Variants in NRXN3 observed in about 807,000 individuals in gnomAD.
NRXN3 encodes neurexin III.
Under a neutral mutation model 137.6 loss-of-function variants are expected in NRXN3, and 32 were observed. That is an observed-to-expected ratio of 0.23 (90% CI 0.18 to 0.31). NRXN3 has a LOEUF of 0.31. Ranked by LOEUF, NRXN3 falls within the 10% of genes least tolerant of loss-of-function variation. The pLI is 1.00. For missense variants in NRXN3, 1,574 were observed against 2,062.5 expected (o/e 0.76, Z 4.59); for synonymous variants, 798 against 784.5 (o/e 1.02, Z -0.29).
intron 8 of NRXN3, among the ~76,000 whole-genome samples, chr14:78,724,828 T>C (rs10146003): frequency 0.98 from 148,654 of 152,254 alleles, 72,637 homozygotes; most frequent in Non-Finnish European, 0.99. Context: ...TTTCATCACT[T>C]ATCCCATCTT....
chr14:79,007,365 G>T (rs2099555136), intron 15 of NRXN3, among the ~76,000 whole-genome samples: 1 of 151,598 alleles, frequency 6.6e-6, no homozygotes, highest in Non-Finnish European at 1.5e-5. Flanking sequence ...TCAACTTTTA[G>T]TATTGAAGAG....
chr14:78,695,845 C>T (rs939908877), intron 6 of NRXN3: 1 of 152,028 alleles, frequency 6.6e-6, no homozygotes, highest in Admixed American at 6.6e-5. Flanking sequence ...ACTATGAGCT[C>T]GAGTGGGCAA....
intron 6 of NRXN3, among the ~76,000 whole-genome samples, chr14:78,655,970 G>A (rs1382577218): frequency 1.3e-5 from 2 of 152,058 alleles, no homozygotes; most frequent in Non-Finnish European, 2.9e-5. Flanking sequence ...CCTTTTATAA[G>A]GGCACCAATC....
At chr14:78,191,190 AG>A (rs2060698082) in intron 1 of NRXN3, among the ~76,000 whole-genome samples, 1 of 152,160 alleles carries the variant, frequency 6.6e-6, no homozygotes, top group African/African-American at 2.4e-5. Context: ...GGGCTGGGCC[AG>A]GGGGATGACC....
chr14:79,710,700 ATATTTGAGT>A (rs1480747520), intron 19 of NRXN3, among the ~76,000 whole-genome samples: 4 of 152,042 alleles, frequency 2.6e-5, no homozygotes, highest in African/African-American at 4.8e-5. Context: ...TCATTAAAAA[ATATTTGAGT>A]TATTTGAGTG....
At chr14:78,255,637 C>T (rs2069445547) in intron 2 of NRXN3, among the ~76,000 whole-genome samples, 2 of 152,178 alleles carry the variant, frequency 1.3e-5, no homozygotes, top group South Asian at 4.1e-4. Context: ...GAGGTATTCT[C>T]TTTAGGAACT....
chr14:78,204,602 G>T (rs2062005907), intron 1 of NRXN3, among the ~76,000 whole-genome samples: 1 of 152,170 alleles, frequency 6.6e-6, no homozygotes, highest in African/African-American at 2.4e-5. Context: ...ACTTAATGGT[G>T]TAGGGAAAAA....
intron 15 of NRXN3, among the ~76,000 whole-genome samples, chr14:79,401,140 A>G (rs1174712638): frequency 6.6e-6 from 1 of 152,168 alleles, no homozygotes; most frequent in Non-Finnish European, 1.5e-5. Flanking sequence ...TACAGGCCAA[A>G]TTTTACCCAT....
At chr14:79,261,633 G>A (rs1177991268) in intron 15 of NRXN3, among the ~76,000 whole-genome samples, 2 of 138,382 alleles carry the variant, frequency 1.4e-5, no homozygotes, top group African/African-American at 5.5e-5. Flanking sequence ...GTGTGTGTGT[G>A]TGTGTGTGTG....
intron 16 of NRXN3, among the ~76,000 whole-genome samples, chr14:79,539,512 A>G (rs1018826785): frequency 1.3e-5 from 2 of 152,198 alleles, no homozygotes; most frequent in African/African-American, 4.8e-5. Flanking sequence ...AATAGATGTT[A>G]TAAAAAGTAT....
intron 15 of NRXN3, among the ~76,000 whole-genome samples, chr14:79,273,060 T>C (rs975845989): frequency 6.7e-6 from 1 of 149,618 alleles, no homozygotes; most frequent in Non-Finnish European, 1.5e-5. Flanking sequence ...TAATTCCCGC[T>C]ACTCGGGAGG....
intron 15 of NRXN3, among the ~76,000 whole-genome samples, chr14:79,198,891 G>A (rs113265456): frequency 0.047 from 7,231 of 152,316 alleles, 607 homozygotes; most frequent in African/African-American, 0.17. Flanking sequence ...AAACTGGCCA[G>A]GTGCGGTGGC....
intron 16 of NRXN3, among the ~76,000 whole-genome samples, chr14:79,585,068 A>G (rs1026421768): frequency 1.3e-5 from 2 of 152,182 alleles, no homozygotes; most frequent in Non-Finnish European, 2.9e-5. Flanking sequence ...ATAGCCCTCT[A>G]TGGAGATGGG....
intron 10 of NRXN3, among the ~76,000 whole-genome samples, chr14:78,878,408 A>T (rs1163271172): frequency 2.0e-5 from 3 of 152,178 alleles, no homozygotes. Context: ...AGTCATAAGC[A>T]ATTCTACACT....
chr14:79,296,873 A>T (rs948181412), intron 15 of NRXN3, among the ~76,000 whole-genome samples: 12 of 152,238 alleles, frequency 7.9e-5, no homozygotes, highest in Non-Finnish European at 1.5e-5. Flanking sequence ...AAATCAAGAT[A>T]AAAATGTTTA....
At chr14:79,680,514 T>C (rs1339755525) in intron 17 of NRXN3, among the ~76,000 whole-genome samples, 3 of 152,084 alleles carry the variant, frequency 2.0e-5, no homozygotes, top group Admixed American at 6.6e-5. Context: ...GGTTTGTTTC[T>C]ATTGTTGTGT....
intron 6 of NRXN3, among the ~76,000 whole-genome samples, chr14:78,698,765 G>A (rs1409174811): frequency 6.6e-6 from 1 of 151,990 alleles, no homozygotes; most frequent in Admixed American, 6.6e-5. Context: ...CATATAGATT[G>A]CCTTAAAAAT....
intron 8 of NRXN3, among the ~76,000 whole-genome samples, chr14:78,730,407 T>C (rs2098509451): frequency 6.6e-6 from 1 of 152,172 alleles, no homozygotes; most frequent in African/African-American, 2.4e-5. Context: ...CTATTCTTCA[T>C]TATTTTTTTC....
intron 17 of NRXN3, among the ~76,000 whole-genome samples, chr14:79,683,572 A>G (rs1258040085): frequency 6.6e-6 from 1 of 152,200 alleles, no homozygotes; most frequent in Non-Finnish European, 1.5e-5. Context: ...AAAATAATAA[A>G]AGTAAAATTT....
Sources: gnomAD v4.1 joint callset for allele counts (sites outside exome capture counted in the v4.1 genomes callset) on GRCh38, gnomAD v4.1.1 for gene constraint, MANE v1.5 for transcripts, NCBI Gene and HGNC (gene_info 2026-07-23, HGNC 2026-07-21) for gene names.